Variants in RNLS observed in about 807,000 individuals in gnomAD.
RNLS encodes the protein renalase, FAD dependent amine oxidase.
In RNLS, 39 loss-of-function variants were observed where a neutral mutation model predicts 39.8. The observed-to-expected ratio is 0.98, with a 90% CI of 0.76 to 1.28. RNLS has a LOEUF of 1.28. Among genes scored for constraint, RNLS ranks in the 50% most tolerant of loss-of-function variants. The pLI, the probability that RNLS is intolerant of heterozygous loss-of-function variation, is 0.00. For missense variants in RNLS, 410 were observed against 413.3 expected (o/e 0.99, Z 0.07); for synonymous variants, 147 against 150.7 (o/e 0.98, Z 0.18).
chr10:88,508,747 A>C (rs1190820968), intron 4 of RNLS, among the ~76,000 whole-genome samples: 1 of 151,856 alleles, frequency 6.6e-6, no homozygotes, highest in Non-Finnish European at 1.5e-5. Context: ...CCAATATTCT[A>C]CTCCAGTTAG....
the RNLS span, among the ~76,000 whole-genome samples, chr10:88,243,567 T>A: frequency 2.0e-5 from 3 of 152,188 alleles, no homozygotes; most frequent in Non-Finnish European, 4.4e-5. Flanking sequence ...CAACATTCGT[T>A]ACCAAAAATC....
chr10:88,369,069 T>G (rs1345742907), intron 4 of RNLS, among the ~76,000 whole-genome samples: 1 of 152,194 alleles, frequency 6.6e-6, no homozygotes, highest in Non-Finnish European at 1.5e-5. Flanking sequence ...GTCTATTAGA[T>G]TCTTCATGTT....
chr10:88,563,311 A>G (rs945550828), intron 4 of RNLS, among the ~76,000 whole-genome samples: 2 of 152,194 alleles, frequency 1.3e-5, no homozygotes. Flanking sequence ...CTGTTTCCAT[A>G]GGAAAAGAGT....
chr10:88,237,079 A>T, the RNLS span, among the ~76,000 whole-genome samples: 3 of 152,162 alleles, frequency 2.0e-5, no homozygotes, highest in Admixed American at 2.0e-4. Flanking sequence ...ATGATAACAA[A>T]GTCTTATGAA....
At chr10:88,573,124 G>T in intron 3 of RNLS, 63 bp from the exon 4 acceptor site, 1 of 1,508,428 alleles carries the variant, frequency 6.6e-7, no homozygotes, top group South Asian at 1.2e-5. Context: ...AAGGGGATGT[G>T]AGTAGTCACA....
At chr10:88,256,257 A>G in the RNLS span, among the ~76,000 whole-genome samples, 2 of 152,204 alleles carry the variant, frequency 1.3e-5, no homozygotes, top group African/African-American at 4.8e-5. Context: ...GTCATAGATG[A>G]AATTACCAAC....
At chr10:88,187,196 A>AAC in the RNLS span, among the ~76,000 whole-genome samples, 4 of 7,584 alleles carry the variant, frequency 5.3e-4, no homozygotes, top group Middle Eastern at 0.062. Flanking sequence ...TAATATATAT[A>AAC]ATATATATAT....
chr10:88,528,640 G>A (rs756894800), intron 4 of RNLS, among the ~76,000 whole-genome samples: 114 of 152,082 alleles, frequency 7.5e-4, no homozygotes, highest in Middle Eastern at 3.4e-3. Flanking sequence ...GAGGCCAGGA[G>A]TTCAAGACTA....
chr10:88,284,229 AC>A lies in RNLS; in HGVS notation c.*1124del. Reference sequence around the variant, plus strand: ...CTGTGCCTGTGTATGTGTATGTATGACAGTGGACATGTAAGTGTGAAACTTT... The same window carrying A: ...CTGTGCCTGTGTATGTGTATGTATGAAGTGGACATGTAAGTGTGAAACTTT... On this transcript the variant is annotated 3_prime_UTR_variant, in exon 7 of 7. Transcript: ENST00000331772. The A allele has an allele frequency of 1.0e-6, 1 of 985,374 alleles. No homozygotes were observed. Among genetic ancestry groups the A allele is most frequent in the Non-Finnish European group, 1.2e-6 (1 of 829,890 alleles). 61.0% of individuals were successfully genotyped at this position (985,374 alleles called of 1,614,324 possible). A position where few individuals can be genotyped will look rare whatever the true frequency, so the allele number is the denominator to read the frequency against.
chr10:88,581,043 C>A (rs1428556837), intron 3 of RNLS, among the ~76,000 whole-genome samples: 8 of 151,966 alleles, frequency 5.3e-5, no homozygotes, highest in African/African-American at 1.9e-4. Flanking sequence ...TTAGCAAAAA[C>A]CAAAACAATC....
intron 4 of RNLS, among the ~76,000 whole-genome samples, chr10:88,524,956 C>CACATATATATAT (rs768939981): frequency 6.2e-4 from 47 of 76,152 alleles, no homozygotes; most frequent in South Asian, 2.7e-3. Flanking sequence ...ATGGCACACA[C>CACATATATATAT]ATACATATAT....
chr10:88,354,447 A>G (rs988440189), intron 5 of RNLS, among the ~76,000 whole-genome samples: 1 of 152,134 alleles, frequency 6.6e-6, no homozygotes, highest in Non-Finnish European at 1.5e-5. Context: ...GCTTGTCTGT[A>G]AAGGATTTTA....
the RNLS span, among the ~76,000 whole-genome samples, chr10:88,242,166 C>G: frequency 6.6e-6 from 1 of 152,158 alleles, no homozygotes; most frequent in African/African-American, 2.4e-5. Context: ...TGTCCCTTTC[C>G]TCTATTTTAA....
At chr10:88,183,621 CTATCA>C in the RNLS span, among the ~76,000 whole-genome samples, 15 of 152,238 alleles carry the variant, frequency 9.9e-5, no homozygotes, top group African/African-American at 3.6e-4. Flanking sequence ...GTACTTCCTC[CTATCA>C]TATTTTTCAT....
intron 4 of RNLS, among the ~76,000 whole-genome samples, chr10:88,503,501 T>G (rs1427638941): frequency 1.3e-5 from 2 of 152,172 alleles, no homozygotes; most frequent in African/African-American, 2.4e-5. Context: ...TAATATTGAA[T>G]ATAATTATAC....
rs117823122 is a variant in RNLS at position 88,489,663 on chromosome 10, A to G, written c.526+83240T>C. Among the ~76,000 whole-genome samples, 1,306 of 152,304 alleles carry G rather than the reference A, an allele frequency of 8.6e-3. 22 individuals are homozygous for G. The highest frequency in any genetic ancestry group is 0.033 in the East Asian group (173 of 5,190). ...ACAAGAACAGATACCTCCTGCAGAG[A>G]GGGCCACATCAATGCATCAGTCCTG... On this transcript the variant is annotated intron_variant, in intron 4 of 6. Transcript: ENST00000331772.
chr10:88,229,924 A>G, the RNLS span, among the ~76,000 whole-genome samples: 1 of 152,020 alleles, frequency 6.6e-6, no homozygotes, highest in African/African-American at 2.4e-5. Flanking sequence ...GTGGATGGGC[A>G]TTGGGGTGGT....
At chr10:88,511,313 G>A (rs1846109833) in intron 4 of RNLS, among the ~76,000 whole-genome samples, 1 of 152,126 alleles carries the variant, frequency 6.6e-6, no homozygotes, top group South Asian at 2.1e-4. Context: ...TCAAAGAGAA[G>A]AGCCCATGAT....
chr10:88,291,335 C>T (rs1025369310), intron 6 of RNLS, among the ~76,000 whole-genome samples: 3 of 152,166 alleles, frequency 2.0e-5, no homozygotes. Flanking sequence ...GTGAAACTGA[C>T]AGAGATATAC....
Sources: gnomAD v4.1 joint callset for allele counts (sites outside exome capture counted in the v4.1 genomes callset) on GRCh38, gnomAD v4.1.1 for gene constraint, MANE v1.5 for transcripts, NCBI Gene and HGNC (gene_info 2026-07-23, HGNC 2026-07-21) for gene names.